The following DNAH2 variants were observed in gnomAD, a reference collection of about 807,000 sequenced individuals.
The protein encoded by DNAH2 is axonemal beta dynein heavy chain 2.
Under a neutral mutation model 523.5 loss-of-function variants are expected in DNAH2, and 323 were observed. The ratio of observed to expected loss-of-function variants is 0.62; its 90% CI spans 0.56 to 0.68. The LOEUF is 0.68. Ranked by LOEUF, DNAH2 falls within the 30% of genes least tolerant of loss-of-function variation. The pLI, the probability that DNAH2 is intolerant of heterozygous loss-of-function variation, is 0.00. For synonymous variants in DNAH2, 2,093 were observed against 2,177.4 expected, an observed-to-expected ratio of 0.96 and a Z score of 1.08; for missense variants, 4,907 against 5,701.5, an observed-to-expected ratio of 0.86 and a Z score of 4.49.
In DNAH2 at chr17:7,773,960, C is replaced by T. The variant is rs552853433; in HGVS notation, c.4502-799C>T. On this transcript the variant is annotated intron_variant, in intron 28 of 85. Coordinates refer to ENST00000572933, the MANE Select transcript of DNAH2 (RefSeq NM_020877.5). ...GGCCAGGCTGGTCTTGAACTCCTGA[C>T]CTCAAGTGATCCACCCACCTCAGCC... is the stretch of plus-strand genomic sequence containing the variant. Among the ~76,000 whole-genome samples the T allele has an allele frequency of 2.6e-5, 4 of 152,152 alleles. No individual in the cohort carries two copies. In the South Asian group the frequency reaches 8.3e-4, roughly 32 times the overall value.
At chr17:7,802,235 A>G (rs2077243469) in intron 58 of DNAH2, among the ~76,000 whole-genome samples, 1 of 152,136 alleles carries the variant, frequency 6.6e-6, no homozygotes, top group South Asian at 2.1e-4. Context: ...CTTGGCCCTT[A>G]TTTTCTGGCA....
rs372222391 is a variant in DNAH2, at chr17:7,792,317, C to G, written c.7119C>G (p.Leu2373=). Residue 2373 remains leucine, a synonymous_variant, in exon 46 of 86, where the codon CTC becomes CTG. Coordinates refer to ENST00000572933, the MANE Select transcript of DNAH2 (RefSeq NM_020877.5). ...IRSWTSFEDK[L]PKSWRYPPNA... ...GTTGGACATCATTTGAGGACAAGCT[C>G]CCTAAGAGTTGGCGCTACCCTCCAA... 1.9e-6 allele frequency: 3 copies of G among 1,613,864 alleles called. No homozygotes were observed. The highest frequency in any genetic ancestry group is 3.3e-5 in the Admixed American group (2 of 59,974).
At chr17:7,802,241 T>C (rs900419853) in intron 58 of DNAH2, among the ~76,000 whole-genome samples, 1 of 152,262 alleles carries the variant, frequency 6.6e-6, no homozygotes, top group Non-Finnish European at 1.5e-5. Context: ...CCTTATTTTC[T>C]GGCATGAAGT....
At chr17:7,820,415 GGCCTTCTCCTGCCTCA>G (rs1384538038) in intron 72 of DNAH2, among the ~76,000 whole-genome samples, 1 of 152,180 alleles carries the variant, frequency 6.6e-6, no homozygotes, top group Admixed American at 6.5e-5. Context: ...CTCAGGACCT[GGCCTTCTCCTGCCTCA>G]GCCTCACCTT....
intron 77 of DNAH2, 48 bp downstream of exon 77, chr17:7,824,775 T>C: frequency 1.4e-6 from 2 of 1,386,276 alleles, no homozygotes; most frequent in Non-Finnish European, 1.9e-6. Flanking sequence ...CTGGTCCACC[T>C]TACCTCCTGC....
chr17:7,783,114 G>A (rs557432437), intron 39 of DNAH2, among the ~76,000 whole-genome samples: 1 of 152,250 alleles, frequency 6.6e-6, no homozygotes, highest in African/African-American at 2.4e-5. Flanking sequence ...TTTCACTCTT[G>A]TTGCCCAGGC....
intron 12 of DNAH2, among the ~76,000 whole-genome samples, chr17:7,752,725 T>C (rs1203394771): frequency 1.3e-5 from 2 of 151,898 alleles, no homozygotes; most frequent in Non-Finnish European, 1.5e-5. Flanking sequence ...AGAAAAAAAA[T>C]TGTATGTTCA....
intron 28 of DNAH2, among the ~76,000 whole-genome samples, chr17:7,773,542 T>C (rs886082435): frequency 6.6e-6 from 1 of 152,112 alleles, no homozygotes; most frequent in Admixed American, 6.6e-5. Context: ...GTGAACCCAA[T>C]TGCCATCAAT....
In DNAH2 at chr17:7,734,650, T is replaced by A. The variant is rs1265659767; in HGVS notation, c.920T>A (p.Leu307Gln). The change falls in exon 7 of 86, where the codon CTG (leucine) becomes CAG (glutamine). Residue 307 changes from leucine (L) to glutamine (Q), a missense_variant. Physicochemically the swap from Leu to Gln is moderately radical, Grantham distance 113. Transcript: ENST00000572933. ...KKGVKHVESI[L>Q]HLAKSSYLAP... ...GGAGTGAAGCACGTTGAATCCATCC[T>A]GCACCTTGCCAAGTCGTCCTACTTG... 1 of 1,613,246 alleles carries A rather than the reference T, an allele frequency of 6.2e-7. No individual in the cohort carries two copies.
In DNAH2 at chr17:7,741,110, G is replaced by T. The variant is rs1043276866; in HGVS notation, c.1689+118G>T. ...GGACCAGCACCTATGTCGGTGAGGG[G>T]AGTGGCAGGTCCAGTTCAGTGAGGT... is the stretch of plus-strand genomic sequence containing the variant. On this transcript the variant is annotated intron_variant, in intron 11 of 85. Coordinates refer to ENST00000572933, the MANE Select transcript of DNAH2 (RefSeq NM_020877.5). 5 of 1,310,752 alleles carry T rather than the reference G, an allele frequency of 3.8e-6. No homozygotes were observed. In the African/African-American group the frequency reaches 4.4e-5, roughly 12 times the overall value. The allele number at this position is 1,310,752 out of a possible 1,614,324, so 81.2% of individuals were successfully genotyped here.
In DNAH2 at chr17:7,778,409, C is replaced by G. The variant is rs138204204; in HGVS notation, c.5481C>G (p.Val1827=). The G allele has an allele frequency of 3.4e-5, 55 of 1,614,100 alleles. No individual in the cohort carries two copies. Among genetic ancestry groups the G allele is most frequent in the Non-Finnish European group, 4.6e-5 (54 of 1,180,044 alleles). ...GKALGIYVIV[V]NCSEGLDYKS... is the part of the protein sequence containing the mutation. ...CCCTGGGCATATATGTCATTGTGGT[C>G]AACTGCTCTGAGGGCCTGGACTACA... The change falls in exon 35 of 86, where the codon GTC becomes GTG. Residue 1827 remains valine, a synonymous_variant. Transcript: ENST00000572933.
At chr17:7,803,724 C>G (rs1257950906) in intron 58 of DNAH2, among the ~76,000 whole-genome samples, 1 of 152,114 alleles carries the variant, frequency 6.6e-6, no homozygotes, top group East Asian at 1.9e-4. Flanking sequence ...CCTGTAATCC[C>G]AGCACGTTGG....
chr17:7,719,841 G>A lies in DNAH2; in HGVS notation c.107G>A (p.Gly36Glu), dbSNP rs373052860. The change falls in exon 2 of 86, where the codon GGG (glycine) becomes GAG (glutamate). Residue 36 changes from glycine to glutamate, a missense_variant. Transcript: ENST00000572933. ...TRAAVATQEQGNAPAVSEPEL... is the reference protein window; with the variant it reads ...TRAAVATQEQENAPAVSEPEL... ...GCTGCTGTGGCCACACAGGAGCAGG[G>A]GAATGCCCCGGCTGTCAGTGAGCCA... is the stretch of plus-strand genomic sequence containing the variant. 16 of 1,606,234 alleles carry A rather than the reference G, an allele frequency of 1.0e-5. No homozygotes were observed. Among genetic ancestry groups the A allele is most frequent in the Middle Eastern group, 1.7e-4 (1 of 5,718 alleles).
Position 7,831,155 on chromosome 17 carries a change from C to T in DNAH2, c.12300C>T (p.Ser4100=). Residue 4100 remains serine (S), a synonymous_variant, in exon 80 of 86, where the codon AGC becomes AGT. Coordinates refer to ENST00000572933, the MANE Select transcript of DNAH2 (RefSeq NM_020877.5). This position sits in a 1 kb window ranked among gnomAD's most constrained non-coding sequence, Gnocchi z 4.2. ...TCGCTTCTTACAAGGAATACATCAG[C>T]TTATTGCCTGGCATGGACCCCCCTG... ...GSLASYKEYI[S]LLPGMDPPEA... is the part of the protein sequence containing the mutation. 1 of 1,614,184 alleles carries T rather than the reference C, an allele frequency of 6.2e-7. No homozygotes were observed.
chr17:7,829,408 C>G (rs146177822), intron 77 of DNAH2, among the ~76,000 whole-genome samples: 1 of 152,164 alleles, frequency 6.6e-6, no homozygotes, highest in Non-Finnish European at 1.5e-5. Flanking sequence ...CACCCTGTCA[C>G]TTTATTCTGT....
chr17:7,736,982 A>AAAATAAAT (rs75880616), intron 7 of DNAH2, 85 bp from the exon 8 acceptor site: 7 of 1,243,286 alleles, frequency 5.6e-6, no homozygotes, highest in Non-Finnish European at 7.8e-6. Context: ...AACTCCATCT[A>AAAATAAAT]AAATAAATAA....
chr17:7,819,179 G>A (rs1360850208), intron 71 of DNAH2, 30 bp from the exon 72 acceptor site: 1 of 1,611,466 alleles, frequency 6.2e-7, no homozygotes, highest in Non-Finnish European at 8.5e-7. Flanking sequence ...GTCCCTCAGT[G>A]GCCCTGACTC....
rs560978220 is a variant in DNAH2 at position 7,786,868 on chromosome 17, G to A, written c.6467-29G>A. On this transcript the variant is annotated intron_variant, in intron 41 of 85. Coordinates refer to ENST00000572933, the MANE Select transcript of DNAH2 (RefSeq NM_020877.5). This position sits in a 1 kb window ranked among gnomAD's most constrained non-coding sequence, Gnocchi z 7.5. ...GAGGGTGCAAGGTGAGCGGCTCCCCGGTTTCCTCATCACCCACCATCTACT... is the reference window on the plus strand; with the variant it reads ...GAGGGTGCAAGGTGAGCGGCTCCCCAGTTTCCTCATCACCCACCATCTACT... 2.9e-5 allele frequency: 47 copies of A among 1,613,940 alleles called. No individual in the cohort carries two copies. In the South Asian group the frequency reaches 3.3e-4, roughly 11 times the overall value.
Position 7,774,776 on chromosome 17 carries a change from A to T in DNAH2, c.4519A>T (p.Ile1507Leu), listed in dbSNP as rs1333566738. The T allele has an allele frequency of 1.9e-6, 3 of 1,614,160 alleles. No individual in the cohort carries two copies. The Admixed American group carries it at 5.0e-5, about 27-fold the overall frequency. ...CTTCCCAGGCCTCCTGGACACATTG[A>T]TAGAAATGAATACAATCCTGGAAGA... The part of the protein sequence containing the change: ...THHPGLLDTL[I>L]EMNTILEDIQ... The change falls in exon 29 of 86, where the codon ATA becomes TTA. Residue 1507 changes from isoleucine to leucine, a missense_variant. Coordinates refer to ENST00000572933, the MANE Select transcript of DNAH2 (RefSeq NM_020877.5).
Sources: allele counts gnomAD v4.1 joint callset (sites outside exome capture counted in the v4.1 genomes callset), GRCh38; gene constraint gnomAD v4.1.1; non-coding constraint Gnocchi (gnomAD v3.1); transcripts MANE v1.5; gene names NCBI Gene and HGNC (gene_info 2026-07-23, HGNC 2026-07-21).